The following DUSP15 variants were observed in gnomAD, a reference collection of about 807,000 sequenced individuals.
The protein encoded by DUSP15 is dual specificity phosphatase 15, also known as dual specificity protein phosphatase 15.
Under a neutral mutation model 26.3 loss-of-function variants are expected in DUSP15, and 23 were observed. The ratio of observed to expected loss-of-function variants is 0.87; its 90% CI spans 0.63 to 1.24. The LOEUF (loss-of-function observed/expected upper bound fraction) is 1.24. DUSP15 is among the 50% of genes most tolerant of loss of function. The probability of loss-of-function intolerance (pLI) is 0.00; values close to 1 mark genes in which losing one functional copy is unlikely to be tolerated. For missense variants in DUSP15, 364 were observed against 320.6 expected (o/e 1.14, Z -1.03); for synonymous variants, 143 against 135.5 (o/e 1.06, Z -0.39).
exon 10 of DUSP15, chr20:31,848,465 G>A (rs747444353): frequency 1.2e-6 from 2 of 1,612,170 alleles, no homozygotes; most frequent in Admixed American, 1.7e-5. Context: ...TTGAAGGTGA[G>A]TGATGCCATC....
rs902633567 is a variant in DUSP15, at chr20:31,849,611, A to G, written c.628+127T>C. The G allele has an allele frequency of 1.2e-5, 17 of 1,464,074 alleles. No individual in the cohort carries two copies. In the African/African-American group the frequency reaches 2.3e-4, roughly 19 times the overall value. 90.7% of individuals were successfully genotyped at this position (1,464,074 alleles called of 1,614,324 possible). ...CTCCACCTTGTTGGGCTGCGCCAGT[A>G]CAGGCCCTGGCACAGGCGCTTGGTG... On this transcript the variant is annotated intron_variant, in intron 8 of 9. Coordinates refer to the DUSP15 transcript ENST00000278979.
chr20:31,855,370 C>T (rs1386346483), intron 6 of DUSP15, among the ~76,000 whole-genome samples: 2 of 152,080 alleles, frequency 1.3e-5, no homozygotes, highest in Admixed American at 6.5e-5. Context: ...TAAATCATAG[C>T]AAATAGGATA....
At chr20:31,851,494 G>A (rs767392853) in intron 6 of DUSP15, among the ~76,000 whole-genome samples, 13 of 152,064 alleles carry the variant, frequency 8.5e-5, no homozygotes, top group African/African-American at 1.5e-4. Flanking sequence ...GAGAAGATGG[G>A]GTGGCTGCAG....
chr20:31,861,958 C>A (rs1263236963), intron 6 of DUSP15, among the ~76,000 whole-genome samples: 1 of 152,096 alleles, frequency 6.6e-6, no homozygotes, highest in East Asian at 1.9e-4. Context: ...AGGCGCCCAG[C>A]GGGGATCACT....
downstream of DUSP15, among the ~76,000 whole-genome samples, chr20:31,845,870 C>G (rs560111345): frequency 6.6e-4 from 100 of 151,530 alleles, no homozygotes; most frequent in Non-Finnish European, 1.2e-3. Context: ...TGAAACTGAG[C>G]GGGACAGAGA....
At chr20:31,868,502 C>T (rs1232675976) in intron 2 of DUSP15, among the ~76,000 whole-genome samples, 3 of 113,260 alleles carry the variant, frequency 2.6e-5, no homozygotes, top group African/African-American at 1.0e-4. Flanking sequence ...TTTTTTGAGA[C>T]AGAGTCTCGC....
downstream of DUSP15, among the ~76,000 whole-genome samples, chr20:31,859,166 G>A (rs927807909): frequency 6.6e-6 from 1 of 152,088 alleles, no homozygotes; most frequent in East Asian, 1.9e-4. Context: ...GTGTCTCTCT[G>A]CTCCCTAGAG....
chr20:31,866,422 G>T (rs919668601), intron 3 of DUSP15, among the ~76,000 whole-genome samples: 1 of 152,146 alleles, frequency 6.6e-6, no homozygotes, highest in Non-Finnish European at 1.5e-5. Flanking sequence ...GGCTCAGAGG[G>T]GGCAAAGTCC....
chr20:31,850,556 G>A (rs897901021), intron 7 of DUSP15: 21 of 1,554,490 alleles, frequency 1.4e-5, no homozygotes, highest in Middle Eastern at 1.8e-4. Flanking sequence ...GCCCCACCCC[G>A]CGGCCGTCCC....
downstream of DUSP15, among the ~76,000 whole-genome samples, chr20:31,858,095 G>A (rs2062590806): frequency 6.6e-6 from 1 of 152,204 alleles, no homozygotes; most frequent in Admixed American, 6.5e-5. The surrounding 1 kb of genome is among the most constrained non-coding windows in gnomAD (Gnocchi z 4.4). Context: ...GGCAACTTGT[G>A]TCCAGAGCCT....
intron 6 of DUSP15, among the ~76,000 whole-genome samples, chr20:31,852,495 GAC>G (rs2062487224): frequency 6.6e-6 from 1 of 152,174 alleles, no homozygotes. Flanking sequence ...CACAGCGGCA[GAC>G]ACAATGTGGT....
At chr20:31,855,135 C>G (rs956175804) in intron 6 of DUSP15, among the ~76,000 whole-genome samples, 8 of 152,032 alleles carry the variant, frequency 5.3e-5, no homozygotes, top group Admixed American at 1.3e-4. Context: ...TTTTCAATCA[C>G]CAACAAAAAA....
intron 5 of DUSP15, 149 bp from the exon 6 acceptor site, chr20:31,862,891 C>G: frequency 6.4e-6 from 5 of 785,772 alleles, no homozygotes; most frequent in South Asian, 3.9e-5. Flanking sequence ...CACCTCCAGG[C>G]CTTTGCCATG....
intron 4 of DUSP15, chr20:31,864,483 G>A: frequency 9.5e-7 from 1 of 1,051,668 alleles, no homozygotes. Context: ...TATACTCCAG[G>A]CCCTATCCTA....
At chr20:31,851,924 C>A (rs1346954936) in intron 6 of DUSP15, among the ~76,000 whole-genome samples, 1 of 152,170 alleles carries the variant, frequency 6.6e-6, no homozygotes, top group African/African-American at 2.4e-5. Flanking sequence ...TTTAGACGAT[C>A]CCAGATGAGT....
chr20:31,866,941 C>T, intron 3 of DUSP15, 130 bp downstream of exon 3: 1 of 889,184 alleles, frequency 1.1e-6, no homozygotes, highest in Non-Finnish European at 1.7e-6. Flanking sequence ...TAAAATGGCC[C>T]AGTGGTGGAG....
At position 31,861,357 on chromosome 20, in the gene DUSP15, C is replaced by G; in HGVS notation, c.*46G>C. The G allele has an allele frequency of 2.7e-6, 4 of 1,472,626 alleles. No individual in the cohort carries two copies. The highest frequency in any genetic ancestry group is 3.6e-6 in the Non-Finnish European group (4 of 1,119,166). The allele number at this position is 1,472,626 out of a possible 1,614,324, so 91.2% of individuals were successfully genotyped here. On this transcript the variant is annotated 3_prime_UTR_variant, in exon 7 of 7. Coordinates refer to ENST00000339738, the MANE Select transcript of DUSP15 (RefSeq NM_080611.5). ...GGGCGTGGAAGGCGCAGACAGCCCC[C>G]GAAGGGAGCCAGTCGGAAGTGGGGA...
At chr20:31,867,240 C>T in intron 2 of DUSP15, 87 bp from the exon 3 acceptor site, 1 of 1,188,028 alleles carries the variant, frequency 8.4e-7, no homozygotes, top group Non-Finnish European at 1.2e-6. Flanking sequence ...CTGCCCAGCT[C>T]TCCCTCTCAC....
At chr20:31,864,068 AG>A in intron 4 of DUSP15, 87 bp from the exon 5 acceptor site, 2 of 1,590,112 alleles carry the variant, frequency 1.3e-6, no homozygotes, top group Non-Finnish European at 1.7e-6. Flanking sequence ...CAGGATAGCA[AG>A]GGACATAGAG....
Sources: allele counts gnomAD v4.1 joint callset (sites outside exome capture counted in the v4.1 genomes callset), GRCh38; gene constraint gnomAD v4.1.1; non-coding constraint Gnocchi (gnomAD v3.1); transcripts MANE v1.5; gene names NCBI Gene and HGNC (gene_info 2026-07-23, HGNC 2026-07-21).